The following CRTC1 variants were observed in gnomAD, a reference collection of about 807,000 sequenced individuals.
CRTC1 encodes CREB-regulated transcription coactivator 1.
A neutral mutation model predicts 66.1 loss-of-function variants in CRTC1; 18 were observed. The ratio of observed to expected loss-of-function variants is 0.27; its 90% CI spans 0.19 to 0.40. CRTC1 has a LOEUF of 0.40. Ranked by LOEUF, CRTC1 falls within the 10% of genes least tolerant of loss-of-function variation. The pLI, the probability that CRTC1 is intolerant of heterozygous loss-of-function variation, is 1.00. For missense variants in CRTC1, 669 were observed against 887.9 expected, an observed-to-expected ratio of 0.75 and a Z score of 3.13; for synonymous variants, 416 against 398.8, an observed-to-expected ratio of 1.04 and a Z score of -0.51.
intron 1 of CRTC1, among the ~76,000 whole-genome samples, chr19:18,700,859 G>A (rs147339785): frequency 8.0e-4 from 122 of 152,302 alleles, no homozygotes; most frequent in African/African-American, 2.9e-3. Context: ...CTGCTTCAGC[G>A]TCTCTTTCTC....
rs1418563924 is a variant in CRTC1 at position 18,741,893 on chromosome 19, G to A, written c.127-1017G>A. Reference sequence around the variant, plus strand: ...CAGGGCCCCCTAGGAAGCTGGGGCGGTGGGGCAGCCAGCTCTCCACGCACT... The same window carrying A: ...CAGGGCCCCCTAGGAAGCTGGGGCGATGGGGCAGCCAGCTCTCCACGCACT... On this transcript the variant is annotated intron_variant, in intron 1 of 13. Coordinates refer to ENST00000321949, the MANE Select transcript of CRTC1 (RefSeq NM_015321.3). The surrounding 1 kb of genome is among the most constrained non-coding windows in gnomAD (Gnocchi z 4.2). Among the ~76,000 whole-genome samples the A allele has an allele frequency of 6.6e-6, 1 of 152,138 alleles. No homozygotes were observed. Among genetic ancestry groups the A allele is most frequent in the Non-Finnish European group, 1.5e-5 (1 of 67,986 alleles).
At chr19:18,724,134 G>T (rs2053690314) in intron 1 of CRTC1, among the ~76,000 whole-genome samples, 1 of 152,178 alleles carries the variant, frequency 6.6e-6, no homozygotes, top group Non-Finnish European at 1.5e-5. Context: ...AACCGGCGGG[G>T]CGGACAGGCT....
At chr19:18,727,429 A>C (rs2053782208) in intron 1 of CRTC1, among the ~76,000 whole-genome samples, 2 of 150,984 alleles carry the variant, frequency 1.3e-5, no homozygotes, top group Non-Finnish European at 2.9e-5. Context: ...AAAATACAAA[A>C]AATTAGTTGG....
chr19:18,721,192 T>A (rs895710074), intron 1 of CRTC1, among the ~76,000 whole-genome samples: 2 of 136,468 alleles, frequency 1.5e-5, no homozygotes, highest in Admixed American at 1.6e-4. Context: ...CAGTTCAACC[T>A]CTGTTTTTTT....
chr19:18,766,144 C>T lies in CRTC1; in HGVS notation c.1011+616C>T, dbSNP rs543736740. Among the ~76,000 whole-genome samples, 34 of 144,320 alleles carry T rather than the reference C, an allele frequency of 2.4e-4. No individual in the cohort carries two copies. The South Asian group carries it at 2.6e-3, about 11-fold the overall frequency. The allele number at this position is 144,320 out of a possible 152,430, so 94.7% of individuals were successfully genotyped here. A position where few individuals can be genotyped will look rare whatever the true frequency, so the allele number is the denominator to read the frequency against. ...TAATCCTTTTTTTTTTTTTTTAAGACGAAGTTTTGCTCTGTAGCCCAGGCT... is the reference window on the plus strand; with the variant it reads ...TAATCCTTTTTTTTTTTTTTTAAGATGAAGTTTTGCTCTGTAGCCCAGGCT... On this transcript the variant is annotated intron_variant, in intron 9 of 13. Transcript: ENST00000321949.
rs561112142 is a variant in CRTC1, at chr19:18,755,624, A to G, written c.624+2039A>G. On this transcript the variant is annotated intron_variant, in intron 6 of 13. Transcript: ENST00000321949. ...TTTTTTTTTTTTTTTTTTTTCTGAGATGGAGTTTCACTCTTTCGCCCAGGC... is the reference window on the plus strand; with the variant it reads ...TTTTTTTTTTTTTTTTTTTTCTGAGGTGGAGTTTCACTCTTTCGCCCAGGC... Among the ~76,000 whole-genome samples, 241 of 107,916 alleles carry G rather than the reference A, an allele frequency of 2.2e-3. 1 individual carries two copies. Among genetic ancestry groups the G allele is most frequent in the African/African-American group, 8.3e-3 (227 of 27,272 alleles). The allele number at this position is 107,916 out of a possible 152,430, so 70.8% of individuals were successfully genotyped here. A position where few individuals can be genotyped will look rare whatever the true frequency, so the allele number is the denominator to read the frequency against.
intron 1 of CRTC1, among the ~76,000 whole-genome samples, chr19:18,727,341 G>T (rs1568502534): frequency 6.6e-6 from 1 of 151,968 alleles, no homozygotes; most frequent in Non-Finnish European, 1.5e-5. Flanking sequence ...GAGCACTTTG[G>T]TAGGCCGAGG....
At chr19:18,749,171 C>G (rs2054309739) in intron 4 of CRTC1, among the ~76,000 whole-genome samples, 2 of 152,194 alleles carry the variant, frequency 1.3e-5, no homozygotes, top group Admixed American at 6.5e-5. Context: ...AGAGCCTCTC[C>G]TGGGCTAGTT....
chr19:18,729,316 C>T (rs988959294), intron 1 of CRTC1, among the ~76,000 whole-genome samples: 36 of 151,136 alleles, frequency 2.4e-4, no homozygotes, highest in African/African-American at 8.2e-4. Context: ...GTCCCAGCTA[C>T]TCAGGGGGCT....
In CRTC1 at chr19:18,778,088, A is replaced by G. The variant is rs1263605139; in HGVS notation, c.*706A>G. On this transcript the variant is annotated 3_prime_UTR_variant, in exon 14 of 14. Transcript: ENST00000321949. ...CTCCATCCCCTCGAAGCCCTGCCTC[A>G]CCGCAGGCAGGCCCATCGGTGGCCA... 4.3e-6 allele frequency: 1 copy of G among 232,866 alleles called. No individual in the cohort carries two copies. 14.4% of individuals were successfully genotyped at this position (232,866 alleles called of 1,614,324 possible).
At chr19:18,701,927 T>TTTTG (rs2053151185) in intron 1 of CRTC1, among the ~76,000 whole-genome samples, 3 of 149,868 alleles carry the variant, frequency 2.0e-5, no homozygotes, top group African/African-American at 7.4e-5. Flanking sequence ...GTTTTGTTTT[T>TTTTG]TTTTTTTTTT....
intron 12 of CRTC1, among the ~76,000 whole-genome samples, 199 bp downstream of exon 12, chr19:18,775,185 C>T (rs1244254203): frequency 2.6e-5 from 4 of 152,368 alleles, no homozygotes; most frequent in African/African-American, 7.2e-5. Flanking sequence ...GGTGGCCTAG[C>T]GCTGCCTCCC....
rs2053519837 is a variant in CRTC1, at chr19:18,716,870, G to A, written c.127-26040G>A. Among the ~76,000 whole-genome samples the A allele has an allele frequency of 5.9e-5, 9 of 152,254 alleles. No homozygotes were observed. In the South Asian group the frequency reaches 1.9e-3, roughly 32 times the overall value. On this transcript the variant is annotated intron_variant, in intron 1 of 13. Coordinates refer to ENST00000321949, the MANE Select transcript of CRTC1 (RefSeq NM_015321.3). Reference sequence around the variant, plus strand: ...AGGGCAGAAGAGGTGCTGGGACATGGGGGAGCCAGGTGGGGCATGGGGGGT... The same window carrying A: ...AGGGCAGAAGAGGTGCTGGGACATGAGGGAGCCAGGTGGGGCATGGGGGGT...
intron 1 of CRTC1, among the ~76,000 whole-genome samples, chr19:18,712,526 C>G (rs1034569760): frequency 6.6e-6 from 1 of 152,124 alleles, no homozygotes; most frequent in African/African-American, 2.4e-5. Context: ...TCCCAAAGTG[C>G]TGGGATTATA....
intron 6 of CRTC1, among the ~76,000 whole-genome samples, chr19:18,755,212 C>G (rs1438479927): frequency 6.6e-6 from 1 of 152,104 alleles, no homozygotes; most frequent in African/African-American, 2.4e-5. Context: ...TGGTCTCAAA[C>G]TCCTGACCTC....
chr19:18,687,135 C>T (rs1204326541), intron 1 of CRTC1, among the ~76,000 whole-genome samples: 2 of 151,242 alleles, frequency 1.3e-5, no homozygotes, highest in Non-Finnish European at 2.9e-5. Context: ...CCTTCCTCAG[C>T]CTCCCGAGTA....
At chr19:18,743,985 C>A in intron 2 of CRTC1, 2 of 966,986 alleles carry the variant, frequency 2.1e-6, no homozygotes, top group Non-Finnish European at 3.2e-6. Flanking sequence ...GGCTGAGGGG[C>A]ACAGGACCCT....
Position 18,781,102 on chromosome 19 carries a change from C to T in CRTC1, c.*3720C>T, listed in dbSNP as rs1021683597. On this transcript the variant is annotated 3_prime_UTR_variant, in exon 14 of 14. Coordinates refer to ENST00000321949, the MANE Select transcript of CRTC1 (RefSeq NM_015321.3). ...GTCCCGATGGAGCCGTCTCAGAGGC[C>T]GAGGGGCCCTCTGTGTGGGGGTGGG... is the stretch of plus-strand genomic sequence containing the variant. 2.2e-5 allele frequency: 5 copies of T among 227,694 alleles called. No homozygotes were observed. The highest frequency in any genetic ancestry group is 1.8e-4 in the South Asian group (1 of 5,498). 14.1% of individuals were successfully genotyped at this position (227,694 alleles called of 1,614,324 possible).
intron 1 of CRTC1, among the ~76,000 whole-genome samples, chr19:18,702,160 T>C (rs1402091157): frequency 4.6e-5 from 7 of 151,748 alleles, no homozygotes; most frequent in African/African-American, 1.7e-4. Context: ...CGACCTCAGG[T>C]GATTTGCCCG....
Sources: allele counts gnomAD v4.1 joint callset (sites outside exome capture counted in the v4.1 genomes callset), GRCh38; gene constraint gnomAD v4.1.1; non-coding constraint Gnocchi (gnomAD v3.1); transcripts MANE v1.5; gene names NCBI Gene and HGNC (gene_info 2026-07-23, HGNC 2026-07-21).